ENTPD6: variants seen among roughly 807,000 people sequenced by gnomAD.
ENTPD6 encodes the protein CD39 antigen-like 2.
A neutral mutation model predicts 61.5 loss-of-function variants in ENTPD6; 46 were observed. The observed-to-expected ratio is 0.75, with a 90% confidence interval of 0.59 to 0.96. The LOEUF is 0.96. ENTPD6 is among the 40% of genes least tolerant of loss of function. The probability of loss-of-function intolerance (pLI) is 0.00; values close to 1 mark genes in which losing one functional copy is unlikely to be tolerated. For missense variants in ENTPD6, 612 were observed against 629.0 expected, an observed-to-expected ratio of 0.97 and a Z score of 0.29; for synonymous variants, 252 against 255.5, an observed-to-expected ratio of 0.99 and a Z score of 0.13.
In ENTPD6 at chr20:25,206,596, T is replaced by C. The variant is rs753671199; in HGVS notation, c.54+6T>C. On this transcript the variant is annotated splice_donor_region_variant and intron_variant, in intron 2 of 14. Coordinates refer to ENST00000376652, the MANE Select transcript of ENTPD6 (RefSeq NM_001247.5). ...AAACGAGCTACATTTTTCAGGTTTG[T>C]CTGGGGCTCTCAGTAGTTGCCCAAG... 2.5e-6 allele frequency: 4 copies of C among 1,608,638 alleles called. No individual in the cohort carries two copies. Among genetic ancestry groups the C allele is most frequent in the South Asian group, 1.1e-5 (1 of 90,970 alleles).
At chr20:25,218,789 C>T (rs1178373039) in intron 10 of ENTPD6, among the ~76,000 whole-genome samples, 175 bp downstream of exon 10, 1 of 152,218 alleles carries the variant, frequency 6.6e-6, no homozygotes, top group Non-Finnish European at 1.5e-5. Context: ...CCAGGGCATG[C>T]GAGTGGAGGG....
At position 25,227,354 on chromosome 20, in the gene ENTPD6, T is replaced by C. The variant is rs1417422363; in HGVS notation, c.*1757T>C. On this transcript the variant is annotated 3_prime_UTR_variant, in exon 15 of 15. Coordinates refer to ENST00000376652, the MANE Select transcript of ENTPD6 (RefSeq NM_001247.5). Reference sequence around the variant, plus strand: ...TAAATATTTAAAGAACTCCGGAGGCTGAGAATCAGACGCATGAAGGTAAAG... The same window carrying C: ...TAAATATTTAAAGAACTCCGGAGGCCGAGAATCAGACGCATGAAGGTAAAG... Among the ~76,000 whole-genome samples the C allele has an allele frequency of 6.6e-6, 1 of 152,180 alleles. No homozygotes were observed. The highest frequency in any genetic ancestry group is 2.4e-5 in the African/African-American group (1 of 41,434).
intron 9 of ENTPD6, among the ~76,000 whole-genome samples, chr20:25,217,915 CCT>C (rs919875164): frequency 6.6e-6 from 1 of 150,414 alleles, no homozygotes; most frequent in Non-Finnish European, 1.5e-5. Flanking sequence ...CCTCCTCTGT[CCT>C]CCTCCTTCAT....
At chr20:25,206,464 C>A in intron 1 of ENTPD6, 58 bp from the exon 2 acceptor site, 1 of 1,329,312 alleles carries the variant, frequency 7.5e-7, no homozygotes, top group Non-Finnish European at 1.1e-6. Context: ...TATTTTGCTA[C>A]TCTAGTAGAA....
rs961167267 is a variant in ENTPD6, at chr20:25,225,219, G to A, written c.1258G>A (p.Glu420Lys). Residue 420 changes from glutamate to lysine, a missense_variant, in exon 14 of 15, where the codon GAG becomes AAG. By Grantham distance (56) the Glu-to-Lys change is moderately conservative (BLOSUM62 1). Transcript: ENST00000376652. ...IAAKYVCRTL[E>K]TQPQSSPFSC... ...CTCATCCCCAGTGTGTCGGACCCTG[G>A]AGACACAGCCGCAGAGCAGCCCCTT... 1.9e-6 allele frequency: 3 copies of A among 1,613,072 alleles called. No homozygotes were observed. In the East Asian group the frequency reaches 6.7e-5, roughly 36 times the overall value.
chr20:25,209,254 C>T (rs1422583533), intron 3 of ENTPD6, among the ~76,000 whole-genome samples: 1 of 151,852 alleles, frequency 6.6e-6, no homozygotes, highest in Non-Finnish European at 1.5e-5. Context: ...GGACTACAGG[C>T]GCCCGCCACC....
intron 4 of ENTPD6, among the ~76,000 whole-genome samples, chr20:25,210,575 G>A (rs2091895596): frequency 6.6e-6 from 1 of 152,142 alleles, no homozygotes; most frequent in East Asian, 1.9e-4. Flanking sequence ...GGCCTGGGAG[G>A]TCAAGGCTAC....
Position 25,207,095 on chromosome 20 carries a change from G to C in ENTPD6, c.74G>C (p.Trp25Ser). Residue 25 changes from tryptophan to serine, a missense_variant, in exon 3 of 15, where the codon TGG becomes TCG. Physicochemically the swap from Trp to Ser is radical, Grantham distance 177. Coordinates refer to ENST00000376652, the MANE Select transcript of ENTPD6 (RefSeq NM_001247.5). ...YIFQQPQHGP[W>S]QTRMRKISNH... ...CACCAGCAGCCGCAGCACGGTCCTTGGCAAACAAGGATGAGAAAAATATCC... is the reference window on the plus strand; with the variant it reads ...CACCAGCAGCCGCAGCACGGTCCTTCGCAAACAAGGATGAGAAAAATATCC... 1 of 1,611,308 alleles carries C rather than the reference G, an allele frequency of 6.2e-7. No homozygotes were observed. The highest frequency in any genetic ancestry group is 8.5e-7 in the Non-Finnish European group (1 of 1,177,878).
At chr20:25,206,059 C>T (rs1383719801) in intron 1 of ENTPD6, among the ~76,000 whole-genome samples, 2 of 152,264 alleles carry the variant, frequency 1.3e-5, no homozygotes, top group African/African-American at 4.8e-5. Flanking sequence ...CACGTGCTTT[C>T]CCTGCAGCCT....
chr20:25,197,268 G>A (rs1330683661), intron 1 of ENTPD6: 9 of 983,254 alleles, frequency 9.2e-6, no homozygotes, highest in Non-Finnish European at 9.7e-6. Context: ...CAGGGGACAG[G>A]GTAGCTCCTA....
intron 11 of ENTPD6, 190 bp downstream of exon 11, chr20:25,221,523 C>T (rs1296509278): frequency 3.0e-6 from 2 of 662,456 alleles, no homozygotes; most frequent in Non-Finnish European, 5.5e-6. Flanking sequence ...GAGCCAGCTC[C>T]TTCCCTCTGC....
At chr20:25,223,020 C>CTGGGGG in intron 12 of ENTPD6, 42 bp downstream of exon 12, 1 of 1,368,264 alleles carries the variant, frequency 7.3e-7, no homozygotes, top group Non-Finnish European at 9.9e-7. Flanking sequence ...GTCGGGGCGG[C>CTGGGGG]AGGGGGCGGG....
chr20:25,212,501 C>T (rs2092037284), intron 4 of ENTPD6, among the ~76,000 whole-genome samples: 1 of 152,166 alleles, frequency 6.6e-6, no homozygotes, highest in Non-Finnish European at 1.5e-5. Context: ...TCCCACACAC[C>T]TGCCAGTACC....
Position 25,226,176 on chromosome 20 carries a change from G to A in ENTPD6, c.*579G>A, listed in dbSNP as rs561380043. 12 of 152,992 alleles carry A rather than the reference G, an allele frequency of 7.8e-5. No individual in the cohort carries two copies. The highest frequency in any genetic ancestry group is 2.9e-4 in the African/African-American group (12 of 41,586). The allele number at this position is 152,992 out of a possible 1,614,324, so 9.5% of individuals were successfully genotyped here. ...GGGTATGAATGTGTGAGTTCACCCAGAGGCCTGCTCTCCTCACACATTGTG... is the reference window on the plus strand; with the variant it reads ...GGGTATGAATGTGTGAGTTCACCCAAAGGCCTGCTCTCCTCACACATTGTG... On this transcript the variant is annotated 3_prime_UTR_variant, in exon 15 of 15. Transcript: ENST00000376652.
chr20:25,224,937 A>G, intron 13 of ENTPD6: 1 of 527,042 alleles, frequency 1.9e-6, no homozygotes, highest in Non-Finnish European at 3.4e-6. Flanking sequence ...TCTTAGATGT[A>G]GAAATGTGGC....
At chr20:25,218,410 C>A in intron 9 of ENTPD6, 140 bp from the exon 10 acceptor site, 2 of 722,700 alleles carry the variant, frequency 2.8e-6, no homozygotes, top group Non-Finnish European at 4.8e-6. Flanking sequence ...CAGAAACAGG[C>A]TTTTAGAAGG....
intron 8 of ENTPD6, 146 bp from the exon 9 acceptor site, chr20:25,217,356 T>C: frequency 1.4e-6 from 1 of 712,926 alleles, no homozygotes; most frequent in Admixed American, 2.3e-5. Context: ...TATTGCCTGC[T>C]CCTGTCTCGC....
Position 25,212,496 on chromosome 20 carries a change from C to T in ENTPD6, c.454-767C>T, listed in dbSNP as rs1183374268. ...GTTTCACCTGGTCCCTGTGTTCCCA[C>T]ACACCTGCCAGTACCACTTGCATCA... On this transcript the variant is annotated intron_variant, in intron 4 of 14. Transcript: ENST00000376652. 3.3e-5 allele frequency among the ~76,000 whole-genome samples: 5 copies of T among 152,300 alleles called. No individual in the cohort carries two copies. The East Asian group carries it at 9.6e-4, about 29-fold the overall frequency.
chr20:25,223,592 G>A (rs758374425), intron 12 of ENTPD6, among the ~76,000 whole-genome samples: 10 of 152,100 alleles, frequency 6.6e-5, no homozygotes, highest in Non-Finnish European at 1.3e-4. Context: ...TGCAGCCTCC[G>A]GCGGGTCTCT....
Sources: gnomAD v4.1 joint callset for allele counts (sites outside exome capture counted in the v4.1 genomes callset) on GRCh38, gnomAD v4.1.1 for gene constraint, MANE v1.5 for transcripts, NCBI Gene and HGNC (gene_info 2026-07-23, HGNC 2026-07-21) for gene names.